The following LARGE1 variants were observed in gnomAD, a reference collection of about 807,000 sequenced individuals.
LARGE1 encodes the protein xylosyl- and glucuronyltransferase LARGE1.
Under a neutral mutation model 87.6 loss-of-function variants are expected in LARGE1, and 43 were observed. That is an observed-to-expected ratio of 0.49 (90% confidence interval 0.38 to 0.63). The LOEUF is 0.63. LARGE1 is among the 30% of genes least tolerant of loss of function. The probability of loss-of-function intolerance (pLI) is 0.00; values close to 1 mark genes in which losing one functional copy is unlikely to be tolerated. For synonymous variants in LARGE1, 434 were observed against 394.6 expected (o/e 1.10, Z -1.18); for missense variants, 802 against 1,000.2 (o/e 0.80, Z 2.67).
the LARGE1 span, among the ~76,000 whole-genome samples, chr22:33,131,654 G>A: frequency 3.3e-5 from 5 of 152,248 alleles, no homozygotes; most frequent in South Asian, 2.1e-4. Flanking sequence ...TCTGTGAGAC[G>A]TAATCACTAT....
chr22:33,778,507 C>A (rs1439220900), intron 1 of LARGE1, among the ~76,000 whole-genome samples: 1 of 152,218 alleles, frequency 6.6e-6, no homozygotes, highest in Non-Finnish European at 1.5e-5. Flanking sequence ...TGGCAACCAA[C>A]ATCTGCTTTC....
chr22:33,852,924 G>T (rs1015620975), intron 1 of LARGE1, among the ~76,000 whole-genome samples: 25 of 128,374 alleles, frequency 1.9e-4, no homozygotes, highest in Admixed American at 2.3e-4. Context: ...TGAAAATAAA[G>T]AAAAAACAGA....
At chr22:33,766,945 T>C (rs897320137) in intron 1 of LARGE1, among the ~76,000 whole-genome samples, 4 of 35,638 alleles carry the variant, frequency 1.1e-4, no homozygotes, top group African/African-American at 1.6e-4. Context: ...TATATATATA[T>C]ATATATATAT....
At chr22:33,679,211 T>C (rs974634456) in intron 2 of LARGE1, among the ~76,000 whole-genome samples, 3 of 152,178 alleles carry the variant, frequency 2.0e-5, no homozygotes, top group Non-Finnish European at 2.9e-5. Context: ...CAATGAACAA[T>C]GAATGTATAA....
At chr22:33,212,369 C>G (rs948322390) in intron 11 of LARGE1, among the ~76,000 whole-genome samples, 14 of 152,166 alleles carry the variant, frequency 9.2e-5, no homozygotes, top group Non-Finnish European at 1.8e-4. Context: ...GAACAACAAG[C>G]CTGGATAACA....
rs1245518333 is a variant in LARGE1 at position 33,431,377 on chromosome 22, GA to G, written c.892+783del. On this transcript the variant is annotated intron_variant, in intron 7 of 14. Transcript: ENST00000397394. ...AATAACAGAGAAAGAAACTGAAGAG[GA>G]GATGCAAGTTTGGGGCTAGTAACGA... is the stretch of plus-strand genomic sequence containing the variant. Among the ~76,000 whole-genome samples the G allele has an allele frequency of 3.1e-5, 4 of 129,702 alleles. No individual in the cohort carries two copies. In the East Asian group the frequency reaches 7.8e-4, roughly 25 times the overall value. 85.1% of individuals were successfully genotyped at this position (129,702 alleles called of 152,430 possible). A position where few individuals can be genotyped will look rare whatever the true frequency, so the allele number is the denominator to read the frequency against.
rs201890482 is a variant in LARGE1 at position 33,872,354 on chromosome 22, GCTAT to G, written c.-83+47637_-83+47640del. On this transcript the variant is annotated intron_variant, in intron 1 of 14. Coordinates refer to ENST00000397394, the MANE Select transcript of LARGE1 (RefSeq NM_133642.5). The stretch of plus-strand genomic sequence containing the variant: ...GGCACAGAGCAGACACGCAGTAAAT[GCTAT>G]CTATTATTATTATTATTATTATTAT... Among the ~76,000 whole-genome samples, 334 of 134,342 alleles carry G rather than the reference GCTAT, an allele frequency of 2.5e-3. 1 individual carries two copies. The highest frequency in any genetic ancestry group is 8.3e-3 in the African/African-American group (265 of 32,058). 88.1% of individuals were successfully genotyped at this position (134,342 alleles called of 152,430 possible).
intron 7 of LARGE1, among the ~76,000 whole-genome samples, chr22:33,389,522 G>T (rs1471095355): frequency 6.6e-6 from 1 of 152,226 alleles, no homozygotes; most frequent in Non-Finnish European, 1.5e-5. Context: ...TGTAGAGCAA[G>T]AGAGTGACTA....
intron 2 of LARGE1, among the ~76,000 whole-genome samples, chr22:33,707,901 G>C (rs2082609816): frequency 6.6e-6 from 1 of 152,284 alleles, no homozygotes. Flanking sequence ...TAGGGAACCA[G>C]AGTGTGCTTA....
chr22:33,499,942 T>C (rs1203331074), intron 6 of LARGE1, among the ~76,000 whole-genome samples: 1 of 152,038 alleles, frequency 6.6e-6, no homozygotes, highest in African/African-American at 2.4e-5. Context: ...TTTGGCTACA[T>C]TTTGTATTTT....
In LARGE1 at chr22:33,627,082, T is replaced by G. The variant is rs184933550; in HGVS notation, c.409-756A>C. ...ATTCCAATGATACCAAAAAAGGTCCTCCAGAGCTGGGCTTCCCAAATGGAG... is the reference window on the plus strand; with the variant it reads ...ATTCCAATGATACCAAAAAAGGTCCGCCAGAGCTGGGCTTCCCAAATGGAG... On this transcript the variant is annotated intron_variant, in intron 3 of 14. Transcript: ENST00000397394. 4.2e-3 allele frequency among the ~76,000 whole-genome samples: 636 copies of G among 152,328 alleles called. 12 individuals carry two copies. The highest frequency in any genetic ancestry group is 1.5e-3 in the East Asian group (8 of 5,176).
intron 6 of LARGE1, among the ~76,000 whole-genome samples, chr22:33,538,116 C>T (rs2148619136): frequency 6.6e-6 from 1 of 152,262 alleles, no homozygotes; most frequent in East Asian, 1.9e-4. Flanking sequence ...CATGCCTTTT[C>T]CAAGGTGCTG....
chr22:33,746,850 G>A (rs1326386568), intron 2 of LARGE1, among the ~76,000 whole-genome samples: 3 of 152,112 alleles, frequency 2.0e-5, no homozygotes, highest in Non-Finnish European at 4.4e-5. Context: ...AGGAGAGGAG[G>A]AGGGGGCGCT....
At chr22:33,253,813 G>A (rs1927122711) in intron 11 of LARGE1, among the ~76,000 whole-genome samples, 1 of 152,146 alleles carries the variant, frequency 6.6e-6, no homozygotes, top group African/African-American at 2.4e-5. Flanking sequence ...AGCAGGGCCT[G>A]GCTGGCATAC....
chr22:33,845,125 G>A (rs1362927608), intron 1 of LARGE1, among the ~76,000 whole-genome samples: 1 of 152,068 alleles, frequency 6.6e-6, no homozygotes, highest in Admixed American at 6.6e-5. Context: ...TGATTGAAGT[G>A]TATTTACAGG....
chr22:33,843,283 C>A (rs917526832), intron 1 of LARGE1, among the ~76,000 whole-genome samples: 1 of 151,778 alleles, frequency 6.6e-6, no homozygotes, highest in Non-Finnish European at 1.5e-5. Context: ...TAAGGATTGG[C>A]ACTTTGGGCC....
At chr22:33,652,405 G>T (rs2080847701) in intron 2 of LARGE1, among the ~76,000 whole-genome samples, 1 of 151,810 alleles carries the variant, frequency 6.6e-6, no homozygotes, top group Non-Finnish European at 1.5e-5. Flanking sequence ...ATCTCCCAAG[G>T]ATACTTATAT....
At chr22:33,773,783 C>T (rs1366830163) in intron 1 of LARGE1, among the ~76,000 whole-genome samples, 1 of 152,172 alleles carries the variant, frequency 6.6e-6, no homozygotes, top group Non-Finnish European at 1.5e-5. Flanking sequence ...ATCAGGCACT[C>T]GTGGTTGTTG....
intron 5 of LARGE1, among the ~76,000 whole-genome samples, chr22:33,566,522 ACCTTTGTGGTGAGTATCACAG>A (rs1279269340): frequency 2.0e-5 from 3 of 152,174 alleles, no homozygotes; most frequent in Non-Finnish European, 4.4e-5. Context: ...GAAGCTGTGG[ACCTTTGTGGTGAGTATCACAG>A]CTCTTAAAGG....
Sources: gnomAD v4.1 joint callset for allele counts (sites outside exome capture counted in the v4.1 genomes callset) on GRCh38, gnomAD v4.1.1 for gene constraint, MANE v1.5 for transcripts, NCBI Gene and HGNC (gene_info 2026-07-23, HGNC 2026-07-21) for gene names.